PARM1: variants seen among roughly 807,000 people sequenced by gnomAD.
The protein encoded by PARM1 is prostate androgen-regulated mucin-like protein 1, also known as WSC4, cell wall integrity and stress response component 4 homolog.
Under a neutral mutation model 24.6 loss-of-function variants are expected in PARM1, and 14 were observed. That is an observed-to-expected ratio of 0.57 (90% CI 0.38 to 0.89). The LOEUF (loss-of-function observed/expected upper bound fraction) is 0.89, where lower values mean the gene tolerates loss of function less well. Ranked by LOEUF, PARM1 falls within the 40% of genes least tolerant of loss-of-function variation. The pLI is 0.00. For synonymous variants in PARM1, 179 were observed against 156.6 expected, an observed-to-expected ratio of 1.14 and a Z score of -1.07; for missense variants, 362 against 380.4, an observed-to-expected ratio of 0.95 and a Z score of 0.40.
At chr4:74,949,938 T>C (rs1290466970) in intron 1 of PARM1, among the ~76,000 whole-genome samples, 2 of 151,970 alleles carry the variant, frequency 1.3e-5, no homozygotes, top group Non-Finnish European at 2.9e-5. Flanking sequence ...ACCAAAAAGA[T>C]ACTTTTTTTC....
chr4:74,959,442 C>T (rs905512106), intron 1 of PARM1, among the ~76,000 whole-genome samples: 2 of 152,166 alleles, frequency 1.3e-5, no homozygotes, highest in African/African-American at 2.4e-5. Flanking sequence ...GCAAATACAT[C>T]GTGGGTTCTG....
chr4:75,041,946 A>G (rs1167826636), intron 3 of PARM1, among the ~76,000 whole-genome samples: 1 of 152,228 alleles, frequency 6.6e-6, no homozygotes, highest in Non-Finnish European at 1.5e-5. Context: ...GCACTGTGCT[A>G]AGGGCCTTAA....
intron 1 of PARM1, among the ~76,000 whole-genome samples, chr4:74,950,250 G>T (rs948221374): frequency 6.6e-6 from 1 of 152,114 alleles, no homozygotes; most frequent in African/African-American, 2.4e-5. Flanking sequence ...CATATTCTCC[G>T]ACACTTCTGG....
chr4:75,025,093 T>C (rs959819394), intron 2 of PARM1, among the ~76,000 whole-genome samples: 10 of 152,230 alleles, frequency 6.6e-5, no homozygotes, highest in African/African-American at 2.4e-4. Flanking sequence ...AACAAAAAGC[T>C]CTTCTCTCTC....
intron 3 of PARM1, among the ~76,000 whole-genome samples, chr4:75,037,173 A>G (rs2109811568): frequency 6.6e-6 from 1 of 152,314 alleles, no homozygotes; most frequent in African/African-American, 2.4e-5. Flanking sequence ...TTGGTTGGGA[A>G]CTTACTCTTC....
Position 74,933,233 on chromosome 4 carries a change from C to T in PARM1, c.-95C>T. On this transcript the variant is annotated 5_prime_UTR_variant, in exon 1 of 4. Coordinates refer to ENST00000307428, the MANE Select transcript of PARM1 (RefSeq NM_015393.4). ...CCTCCCGGCTCCCACCGCAGCCCACCCGGCAGAGGAGTCGCTACCAGCGCC... is the reference window on the plus strand; with the variant it reads ...CCTCCCGGCTCCCACCGCAGCCCACTCGGCAGAGGAGTCGCTACCAGCGCC... 1 of 1,109,864 alleles carries T rather than the reference C, an allele frequency of 9.0e-7. No homozygotes were observed. The highest frequency in any genetic ancestry group is 1.3e-5 in the South Asian group (1 of 74,144). The allele number at this position is 1,109,864 out of a possible 1,614,324, so 68.8% of individuals were successfully genotyped here. A position where few individuals can be genotyped will look rare whatever the true frequency, so the allele number is the denominator to read the frequency against.
chr4:75,026,558 A>G (rs2109804556), intron 2 of PARM1, among the ~76,000 whole-genome samples: 1 of 152,358 alleles, frequency 6.6e-6, no homozygotes. Context: ...AGGATTTTGC[A>G]TAAAAGGTGC....
chr4:74,968,195 T>C (rs1229049385), intron 1 of PARM1, among the ~76,000 whole-genome samples: 1 of 152,218 alleles, frequency 6.6e-6, no homozygotes, highest in African/African-American at 2.4e-5. Context: ...TTTTGTCTCC[T>C]GGAAAGCAGA....
At chr4:74,946,933 C>T (rs1309080822) in intron 1 of PARM1, among the ~76,000 whole-genome samples, 2 of 151,988 alleles carry the variant, frequency 1.3e-5, no homozygotes, top group Non-Finnish European at 2.9e-5. Context: ...TTATCTAAGC[C>T]TGCGTTTATT....
chr4:74,936,585 C>CT (rs1318223944), intron 1 of PARM1, among the ~76,000 whole-genome samples: 1 of 151,794 alleles, frequency 6.6e-6, no homozygotes, highest in African/African-American at 2.4e-5. Flanking sequence ...TCCCGAGTAA[C>CT]TGGGACTACA....
intron 1 of PARM1, among the ~76,000 whole-genome samples, chr4:74,936,024 G>C (rs1414450697): frequency 6.6e-6 from 1 of 151,938 alleles, no homozygotes; most frequent in Non-Finnish European, 1.5e-5. Flanking sequence ...GTAGATATGG[G>C]GGGTATTCCT....
intron 2 of PARM1, among the ~76,000 whole-genome samples, chr4:75,019,491 T>C (rs1484064057): frequency 2.0e-5 from 3 of 152,292 alleles, no homozygotes; most frequent in African/African-American, 4.8e-5. Context: ...GTGAAGACCA[T>C]TGAACATTAA....
chr4:74,957,746 G>C (rs1721670481), intron 1 of PARM1, among the ~76,000 whole-genome samples: 1 of 152,184 alleles, frequency 6.6e-6, no homozygotes, highest in Non-Finnish European at 1.5e-5. Context: ...CTGGGAGAGT[G>C]TGTGGGGTTG....
At chr4:74,946,364 T>G (rs966540636) in intron 1 of PARM1, among the ~76,000 whole-genome samples, 1 of 152,240 alleles carries the variant, frequency 6.6e-6, no homozygotes, top group African/African-American at 2.4e-5. Context: ...CAGCCTTGGT[T>G]GAGAGCCTTA....
At chr4:75,011,887 A>G (rs561716524) in intron 1 of PARM1, among the ~76,000 whole-genome samples, 101 of 152,258 alleles carry the variant, frequency 6.6e-4, no homozygotes, top group African/African-American at 2.4e-3. Context: ...ATCCCTGTGC[A>G]TAAGTGCAGA....
chr4:75,008,070 C>G (rs974236748), intron 1 of PARM1, among the ~76,000 whole-genome samples: 2 of 152,254 alleles, frequency 1.3e-5, no homozygotes, highest in African/African-American at 4.8e-5. Flanking sequence ...CTACGATCAT[C>G]ATGGTGCCTT....
At chr4:74,945,495 G>A (rs995936746) in intron 1 of PARM1, among the ~76,000 whole-genome samples, 3 of 152,164 alleles carry the variant, frequency 2.0e-5, no homozygotes, top group Non-Finnish European at 4.4e-5. Flanking sequence ...TGTTTACCGG[G>A]CATCACTGAT....
intron 2 of PARM1, among the ~76,000 whole-genome samples, chr4:75,032,880 C>T (rs1723299109): frequency 1.3e-5 from 2 of 152,136 alleles, no homozygotes; most frequent in South Asian, 2.1e-4. Flanking sequence ...TAAATGGAGT[C>T]CCTAACACCA....
At chr4:75,033,115 A>G (rs1254079900) in intron 2 of PARM1, among the ~76,000 whole-genome samples, 1 of 152,210 alleles carries the variant, frequency 6.6e-6, no homozygotes, top group African/African-American at 2.4e-5. Flanking sequence ...TGCTTTTGGA[A>G]CCAGATTTCA....
Sources: allele counts gnomAD v4.1 joint callset (sites outside exome capture counted in the v4.1 genomes callset), GRCh38; gene constraint gnomAD v4.1.1; transcripts MANE v1.5; gene names NCBI Gene and HGNC (gene_info 2026-07-23, HGNC 2026-07-21).